The following DNAJB13 variants were observed in gnomAD, a reference collection of about 807,000 sequenced individuals.
DNAJB13 encodes the protein DnaJ heat shock protein family (Hsp40) member B13, also known as dnaJ homolog subfamily B member 13.
Under a neutral mutation model 35.6 loss-of-function variants are expected in DNAJB13, and 22 were observed. The observed-to-expected ratio is 0.62, with a 90% confidence interval of 0.44 to 0.88. The LOEUF (loss-of-function observed/expected upper bound fraction) is 0.88. DNAJB13 is among the 40% of genes least tolerant of loss of function. DNAJB13 has a pLI of 0.00. For missense variants in DNAJB13, 370 were observed against 384.3 expected (o/e 0.96, Z 0.31); for synonymous variants, 136 against 144.2 (o/e 0.94, Z 0.41).
chr11:73,954,039 T>A (rs78782147), intron 1 of DNAJB13, among the ~76,000 whole-genome samples: 10,724 of 145,070 alleles, frequency 0.074, 524 homozygotes, highest in African/African-American at 0.12. Context: ...ATAATAATAA[T>A]AATGGCTGGA....
intron 1 of DNAJB13, among the ~76,000 whole-genome samples, chr11:73,955,120 A>G (rs995395175): frequency 7.7e-6 from 1 of 129,126 alleles, no homozygotes; most frequent in African/African-American, 3.2e-5. Flanking sequence ...CTAAACTTAT[A>G]TAAGGAAGAA....
chr11:73,964,602 GT>G, intron 3 of DNAJB13: 2 of 397,748 alleles, frequency 5.0e-6, no homozygotes, highest in South Asian at 2.7e-5. Context: ...GGGGGGGAAT[GT>G]CCCAAGGGGA....
At position 73,970,049 on chromosome 11, in the gene DNAJB13, A is replaced by G. The variant is rs111356308; in HGVS notation, c.886A>G (p.Ile296Val). The change falls in exon 8 of 8, where the codon ATC becomes GTC. Residue 296 changes from isoleucine to valine, a missense_variant. Ile to Val is a conservative substitution (Grantham distance 29, BLOSUM62 3). Transcript: ENST00000339764. Reference sequence around the variant, plus strand: ...AGGGGATCTCTTCATCTTCTTCGACATCCAGTTCCCCACCCGCCTCACACC... The same window carrying G: ...AGGGGATCTCTTCATCTTCTTCGACGTCCAGTTCCCCACCCGCCTCACACC... ...KKGDLFIFFDIQFPTRLTPQK... is the reference protein window; with the variant it reads ...KKGDLFIFFDVQFPTRLTPQK... 3.7e-6 allele frequency: 6 copies of G among 1,611,052 alleles called. No individual in the cohort carries two copies. The highest frequency in any genetic ancestry group is 2.7e-5 in the African/African-American group (2 of 74,986).
At chr11:73,952,511 C>T (rs1164455336) in intron 1 of DNAJB13, among the ~76,000 whole-genome samples, 1 of 152,154 alleles carries the variant, frequency 6.6e-6, no homozygotes, top group Non-Finnish European at 1.5e-5. Flanking sequence ...TGGGCCTATT[C>T]CTGGGCCAGG....
intron 3 of DNAJB13, chr11:73,963,562 T>C (rs1950995143): frequency 6.6e-6 from 1 of 152,182 alleles, no homozygotes; most frequent in Non-Finnish European, 1.5e-5. Context: ...GGTTCCTGAG[T>C]CCCATCTCCC....
chr11:73,962,215 T>C (rs1043448372), intron 3 of DNAJB13, among the ~76,000 whole-genome samples: 1 of 152,168 alleles, frequency 6.6e-6, no homozygotes, highest in Non-Finnish European at 1.5e-5. Flanking sequence ...CTTGTGCTAT[T>C]TATAGTTTCC....
Position 73,964,737 on chromosome 11 carries a change from G to T in DNAJB13, c.335-141G>T. 4 of 928,824 alleles carry T rather than the reference G, an allele frequency of 4.3e-6. No individual in the cohort carries two copies. In the South Asian group the frequency reaches 5.8e-5, roughly 13 times the overall value. 57.5% of individuals were successfully genotyped at this position (928,824 alleles called of 1,614,324 possible). A position where few individuals can be genotyped will look rare whatever the true frequency, so the allele number is the denominator to read the frequency against. On this transcript the variant is annotated intron_variant, in intron 3 of 7. Transcript: ENST00000339764. The stretch of plus-strand genomic sequence containing the variant: ...TGGGTGTTACACAGGACACTGAAGA[G>T]GTTGGGGAGCATATCTGGATAGGGA...
Position 73,970,007 on chromosome 11 carries a change from G to A in DNAJB13, c.844G>A (p.Glu282Lys). The A allele has an allele frequency of 6.2e-7, 1 of 1,611,650 alleles. No homozygotes were observed. Among genetic ancestry groups the A allele is most frequent in the Non-Finnish European group, 8.5e-7 (1 of 1,178,784 alleles). ...KVPGEGMPLP[E>K]DPTKKGDLFI... Reference sequence around the variant, plus strand: ...GCCAGGGGAGGGGATGCCATTGCCGGAGGACCCCACTAAGAAAGGGGATCT... The same window carrying A: ...GCCAGGGGAGGGGATGCCATTGCCGAAGGACCCCACTAAGAAAGGGGATCT... Residue 282 changes from glutamate to lysine, a missense_variant, in exon 8 of 8, where the codon GAG (glutamate) becomes AAG (lysine). Glu to Lys is a moderately conservative substitution (Grantham distance 56). Coordinates refer to ENST00000339764, the MANE Select transcript of DNAJB13 (RefSeq NM_153614.4).
chr11:73,963,373 AT>A (rs1950988312), intron 3 of DNAJB13, among the ~76,000 whole-genome samples: 1 of 151,748 alleles, frequency 6.6e-6, no homozygotes, highest in Admixed American at 6.6e-5. Context: ...AAGAAAAAAA[AT>A]GAAAGGGGCT....
intron 4 of DNAJB13, chr11:73,965,277 C>T: frequency 2.6e-6 from 1 of 384,762 alleles, no homozygotes; most frequent in Non-Finnish European, 4.6e-6. Flanking sequence ...CTGGGACAGG[C>T]TCTTTCCCTT....
rs74517954 is a variant in DNAJB13 at position 73,969,131 on chromosome 11, G to A, written c.721-115G>A. On this transcript the variant is annotated intron_variant, in intron 6 of 7. Transcript: ENST00000339764. ...CACCTATTAGTTATTGAACAGCCTC[G>A]TCTCCCTTGTGCCCAACTCACAGTC... 5.7e-4 allele frequency: 317 copies of A among 553,314 alleles called. 3 individuals carry two copies. In the East Asian group the frequency reaches 9.7e-3, roughly 17 times the overall value. The allele number at this position is 553,314 out of a possible 1,614,324, so 34.3% of individuals were successfully genotyped here.
At chr11:73,968,520 C>T in intron 6 of DNAJB13, 62 bp downstream of exon 6, 4 of 1,446,096 alleles carry the variant, frequency 2.8e-6, no homozygotes, top group Non-Finnish European at 3.8e-6. Context: ...CCTGCCCCGG[C>T]CTAGACTTGG....
chr11:73,954,275 G>A (rs1014994657), intron 1 of DNAJB13, among the ~76,000 whole-genome samples: 4 of 151,504 alleles, frequency 2.6e-5, no homozygotes, highest in Non-Finnish European at 4.4e-5. Flanking sequence ...GCAGTGAGCC[G>A]AGATCGTGCC....
At chr11:73,964,782 T>TGTGTGTGTGTGTGTGTGG in intron 3 of DNAJB13, 96 bp from the exon 4 acceptor site, 1 of 771,312 alleles carries the variant, frequency 1.3e-6, no homozygotes, top group Non-Finnish European at 2.1e-6. Flanking sequence ...TGTGTGTGTG[T>TGTGTGTGTGTGTGTGTGG]GTGTGTGTGT....
intron 5 of DNAJB13, among the ~76,000 whole-genome samples, chr11:73,967,483 A>G (rs1415614915): frequency 6.6e-6 from 1 of 152,096 alleles, no homozygotes; most frequent in African/African-American, 2.4e-5. Context: ...GGTGGCTCAC[A>G]CTTATAGCCT....
rs1019878020 is a variant in DNAJB13, at chr11:73,959,675, C to A, written c.334+20C>A. Reference sequence around the variant, plus strand: ...TCAGTGGTAAGAGGTCTTCCTCCCCCACCTTGCCTTATAGAGAAAGGACAC... The same window carrying A: ...TCAGTGGTAAGAGGTCTTCCTCCCCAACCTTGCCTTATAGAGAAAGGACAC... On this transcript the variant is annotated intron_variant, in intron 3 of 7. Coordinates refer to ENST00000339764, the MANE Select transcript of DNAJB13 (RefSeq NM_153614.4). 1 of 1,608,466 alleles carries A rather than the reference C, an allele frequency of 6.2e-7. No individual in the cohort carries two copies. Among genetic ancestry groups the A allele is most frequent in the African/African-American group, 1.3e-5 (1 of 74,772 alleles).
At chr11:73,961,237 G>C (rs948008106) in intron 3 of DNAJB13, among the ~76,000 whole-genome samples, 3 of 152,086 alleles carry the variant, frequency 2.0e-5, no homozygotes, top group African/African-American at 7.2e-5. Flanking sequence ...CCAAGATCGG[G>C]CCACTGCACT....
In DNAJB13 at chr11:73,961,469, G is replaced by A. The variant is rs944929120; in HGVS notation, c.334+1814G>A. 2.0e-5 allele frequency among the ~76,000 whole-genome samples: 3 copies of A among 152,152 alleles called. 1 individual carries two copies. The highest frequency in any genetic ancestry group is 2.9e-5 in the Non-Finnish European group (2 of 68,034). The stretch of plus-strand genomic sequence containing the variant: ...ACCGTTGCATTCCAGAGCACACCAT[G>A]AATGTAGCTGCAACTGCTGCCTCAC... On this transcript the variant is annotated intron_variant, in intron 3 of 7. Coordinates refer to ENST00000339764, the MANE Select transcript of DNAJB13 (RefSeq NM_153614.4).
At chr11:73,955,629 C>A (rs1950719794) in intron 1 of DNAJB13, among the ~76,000 whole-genome samples, 1 of 151,968 alleles carries the variant, frequency 6.6e-6, no homozygotes, top group Non-Finnish European at 1.5e-5. Flanking sequence ...GAGTTTGAGA[C>A]CAGCATGGCC....
Sources: gnomAD v4.1 joint callset for allele counts (sites outside exome capture counted in the v4.1 genomes callset) on GRCh38, gnomAD v4.1.1 for gene constraint, MANE v1.5 for transcripts, NCBI Gene and HGNC (gene_info 2026-07-23, HGNC 2026-07-21) for gene names.